SMYD3: variants seen among roughly 807,000 people sequenced by gnomAD.
SMYD3 encodes the protein histone-lysine N-methyltransferase SMYD3.
SMYD3 carries 36 observed loss-of-function variants against 57.7 expected under a neutral mutation model. The observed-to-expected ratio is 0.62, with a 90% CI of 0.48 to 0.82. SMYD3 has a LOEUF of 0.82. Among genes scored for constraint, SMYD3 ranks in the 40% least tolerant of loss-of-function variants. The probability of loss-of-function intolerance (pLI) is 0.00; values close to 1 mark genes in which losing one functional copy is unlikely to be tolerated. For missense variants in SMYD3, 515 were observed against 538.8 expected (o/e 0.96, Z 0.44); for synonymous variants, 211 against 195.0 (o/e 1.08, Z -0.68).
At chr1:246,342,854 A>G (rs1407852684) in intron 2 of SMYD3, among the ~76,000 whole-genome samples, 1 of 152,136 alleles carries the variant, frequency 6.6e-6, no homozygotes, top group Non-Finnish European at 1.5e-5. Context: ...ATATGAGACA[A>G]TAATAACAAC....
intron 5 of SMYD3, among the ~76,000 whole-genome samples, chr1:246,179,798 T>C (rs919501164): frequency 2.0e-5 from 3 of 152,298 alleles, no homozygotes; most frequent in Non-Finnish European, 2.9e-5. Context: ...TATGTGTTGA[T>C]AGCGGAGATT....
At chr1:246,048,158 T>C (rs927407358) in intron 5 of SMYD3, among the ~76,000 whole-genome samples, 1 of 152,174 alleles carries the variant, frequency 6.6e-6, no homozygotes, top group East Asian at 1.9e-4. Flanking sequence ...ATAACCAGTA[T>C]ATAAAATGGT....
chr1:245,967,056 A>G (rs1199912099), intron 5 of SMYD3, among the ~76,000 whole-genome samples: 1 of 152,130 alleles, frequency 6.6e-6, no homozygotes, highest in East Asian at 1.9e-4. Context: ...ATGTGTTATA[A>G]TGACTTTTGA....
At chr1:246,497,890 G>GA (rs1345531883) in intron 1 of SMYD3, among the ~76,000 whole-genome samples, 5 of 151,208 alleles carry the variant, frequency 3.3e-5, no homozygotes, top group Non-Finnish European at 7.4e-5. Flanking sequence ...AAAAGAAAAG[G>GA]AAAAAACAAG....
chr1:246,211,514 T>C (rs1430277414), intron 5 of SMYD3, among the ~76,000 whole-genome samples: 1 of 149,710 alleles, frequency 6.7e-6, no homozygotes, highest in Non-Finnish European at 1.5e-5. Flanking sequence ...TATATAATTC[T>C]TTCAGATGGG....
chr1:245,837,770 C>T (rs1194110359), intron 10 of SMYD3, among the ~76,000 whole-genome samples: 1 of 152,152 alleles, frequency 6.6e-6, no homozygotes, highest in East Asian at 1.9e-4. Flanking sequence ...TCCTCTGAAA[C>T]ACTCAGACTA....
At chr1:245,809,306 C>G (rs778944453) in intron 10 of SMYD3, among the ~76,000 whole-genome samples, 5 of 152,202 alleles carry the variant, frequency 3.3e-5, no homozygotes, top group Non-Finnish European at 7.3e-5. Flanking sequence ...TTTCCTTTCT[C>G]CAACCCTCTG....
At chr1:245,799,669 G>A (rs758222283) in intron 10 of SMYD3, among the ~76,000 whole-genome samples, 27 of 152,176 alleles carry the variant, frequency 1.8e-4, no homozygotes, top group Non-Finnish European at 3.1e-4. Context: ...TTGTATTTTG[G>A]CTGCTGACGC....
chr1:246,162,849 C>T (rs925627936), intron 5 of SMYD3, among the ~76,000 whole-genome samples: 1 of 152,178 alleles, frequency 6.6e-6, no homozygotes, highest in Non-Finnish European at 1.5e-5. Flanking sequence ...AAATTATCTT[C>T]AGCCAAAATG....
At chr1:245,841,551 T>A (rs1032479138) in intron 10 of SMYD3, among the ~76,000 whole-genome samples, 1 of 152,190 alleles carries the variant, frequency 6.6e-6, no homozygotes, top group Non-Finnish European at 1.5e-5. Context: ...TAGATCTAAT[T>A]CAAATTCTAA....
At chr1:246,331,149 G>T (rs187828613) in intron 3 of SMYD3, among the ~76,000 whole-genome samples, 1 of 152,096 alleles carries the variant, frequency 6.6e-6, no homozygotes, top group South Asian at 2.1e-4. Context: ...AAGAAAAAAA[G>T]GAGAAGGACA....
intron 5 of SMYD3, among the ~76,000 whole-genome samples, chr1:246,192,205 C>A (rs2062749816): frequency 6.6e-6 from 1 of 152,128 alleles, no homozygotes; most frequent in African/African-American, 2.4e-5. Flanking sequence ...CTCAAGCGAT[C>A]CTCCTTCCTC....
intron 5 of SMYD3, among the ~76,000 whole-genome samples, chr1:246,041,711 A>G (rs558502480): frequency 1.2e-4 from 19 of 152,246 alleles, no homozygotes; most frequent in Non-Finnish European, 2.2e-4. Flanking sequence ...CAGAAAAATC[A>G]TGACTTCTGG....
At chr1:246,150,479 G>C (rs1236986131) in intron 5 of SMYD3, among the ~76,000 whole-genome samples, 1 of 152,118 alleles carries the variant, frequency 6.6e-6, no homozygotes, top group Admixed American at 6.5e-5. Flanking sequence ...CTGTAATCAG[G>C]CCTAGTATTA....
At chr1:246,461,446 G>A (rs2067796549) in intron 1 of SMYD3, among the ~76,000 whole-genome samples, 1 of 152,020 alleles carries the variant, frequency 6.6e-6, no homozygotes, top group African/African-American at 2.4e-5. Flanking sequence ...AACAATTTTA[G>A]TGCCAAAAAT....
At chr1:245,775,685 G>C (rs1387861876) in intron 10 of SMYD3, among the ~76,000 whole-genome samples, 1 of 143,320 alleles carries the variant, frequency 7.0e-6, no homozygotes, top group Non-Finnish European at 1.5e-5. Context: ...CCCCCTCTCC[G>C]AGAAACACCC....
At chr1:245,822,970 T>C (rs1041591184) in intron 10 of SMYD3, among the ~76,000 whole-genome samples, 3 of 152,216 alleles carry the variant, frequency 2.0e-5, no homozygotes, top group Admixed American at 2.0e-4. Flanking sequence ...TTGTCAGTCC[T>C]GAATGGGTGA....
At chr1:246,311,056 T>C (rs2065068397) in intron 5 of SMYD3, among the ~76,000 whole-genome samples, 1 of 152,184 alleles carries the variant, frequency 6.6e-6, no homozygotes, top group Non-Finnish European at 1.5e-5. Flanking sequence ...CTCTATAGAA[T>C]GATCACACTG....
Position 246,002,464 on chromosome 1 carries a change from G to A in SMYD3, c.532-72527C>T, listed in dbSNP as rs867800960. Among the ~76,000 whole-genome samples the A allele has an allele frequency of 8.4e-4, 42 of 50,164 alleles. 2 individuals carry two copies. Among genetic ancestry groups the A allele is most frequent in the South Asian group, 2.4e-3 (3 of 1,244 alleles). The allele number at this position is 50,164 out of a possible 152,430, so 32.9% of individuals were successfully genotyped here. A position where few individuals can be genotyped will look rare whatever the true frequency, so the allele number is the denominator to read the frequency against. On this transcript the variant is annotated intron_variant, in intron 5 of 11. Coordinates refer to ENST00000490107, the MANE Select transcript of SMYD3 (RefSeq NM_001167740.2). ...CTCCCAAAGTGCTGGGATTACAGGCGCCCGCCACCACGCCCGGCTAATTTT... is the reference window on the plus strand; with the variant it reads ...CTCCCAAAGTGCTGGGATTACAGGCACCCGCCACCACGCCCGGCTAATTTT...
Sources: allele counts gnomAD v4.1 joint callset (sites outside exome capture counted in the v4.1 genomes callset), GRCh38; gene constraint gnomAD v4.1.1; transcripts MANE v1.5; gene names NCBI Gene and HGNC (gene_info 2026-07-23, HGNC 2026-07-21).